Variants in FAM174B observed in about 807,000 individuals in gnomAD.
FAM174B encodes the protein family with sequence similarity 174 member B, also known as membrane protein FAM174B.
A neutral mutation model predicts 10.9 loss-of-function variants in FAM174B; 12 were observed. The observed-to-expected ratio is 1.10, with a 90% confidence interval of 0.71 to 1.79. The LOEUF (loss-of-function observed/expected upper bound fraction) is 1.79. FAM174B is among the 40% of genes most tolerant of loss of function. The probability of loss-of-function intolerance (pLI) is 0.00; values close to 1 mark genes in which losing one functional copy is unlikely to be tolerated. For synonymous variants in FAM174B, 132 were observed against 115.8 expected, an observed-to-expected ratio of 1.14 and a Z score of -0.90; for missense variants, 266 against 233.3, an observed-to-expected ratio of 1.14 and a Z score of -0.91.
At chr15:92,625,883 A>C (rs2050749261) in intron 2 of FAM174B, among the ~76,000 whole-genome samples, 1 of 152,212 alleles carries the variant, frequency 6.6e-6, no homozygotes. Flanking sequence ...CTAATGACTC[A>C]CTTCCAAGTT....
intron 1 of FAM174B, among the ~76,000 whole-genome samples, chr15:92,647,611 A>G (rs2141963843): frequency 6.6e-6 from 1 of 152,356 alleles, no homozygotes; most frequent in South Asian, 2.1e-4. Flanking sequence ...AATAGAGATC[A>G]TAAGACTGGC....
intron 1 of FAM174B, among the ~76,000 whole-genome samples, chr15:92,644,889 T>C (rs1385109668): frequency 1.3e-5 from 2 of 152,210 alleles, no homozygotes; most frequent in Non-Finnish European, 2.9e-5. Flanking sequence ...TCCCCACCTG[T>C]CAAAAGAAGG....
intron 1 of FAM174B, among the ~76,000 whole-genome samples, chr15:92,642,659 T>C (rs1012330655): frequency 3.9e-5 from 6 of 152,204 alleles, no homozygotes; most frequent in African/African-American, 1.4e-4. Flanking sequence ...TCTTCCGCCA[T>C]GATTATAAGT....
rs1437300989 is a variant in FAM174B, at chr15:92,631,338, A to G, written c.345-993T>C. On this transcript the variant is annotated intron_variant, in intron 1 of 2. Transcript: ENST00000327355. ...TATAATATTATATATAATATATTAT[A>G]TATTATATATAATATATTATATATT... Among the ~76,000 whole-genome samples, 20 of 22,646 alleles carry G rather than the reference A, an allele frequency of 8.8e-4. 5 individuals are homozygous for G. In the Admixed American group the frequency reaches 0.02, roughly 23 times the overall value. 14.9% of individuals were successfully genotyped at this position (22,646 alleles called of 152,430 possible).
Position 92,655,664 on chromosome 15 carries a change from C to T in FAM174B, c.-5G>A, listed in dbSNP as rs2051000522. The T allele has an allele frequency of 3.2e-6, 4 of 1,258,182 alleles. No individual in the cohort carries two copies. Among genetic ancestry groups the T allele is most frequent in the Non-Finnish European group, 4.0e-6 (4 of 1,006,686 alleles). 77.9% of individuals were successfully genotyped at this position (1,258,182 alleles called of 1,614,324 possible). A position where few individuals can be genotyped will look rare whatever the true frequency, so the allele number is the denominator to read the frequency against. On this transcript the variant is annotated 5_prime_UTR_variant, in exon 1 of 3. Transcript: ENST00000327355. ...GGGCAGCGGCACGGCGCGCATAGTG[C>T]GGTGGGTCGGCACAGGATCGGGCAG...
chr15:92,638,993 GCC>G (rs1567047610), intron 1 of FAM174B, among the ~76,000 whole-genome samples: 1 of 152,188 alleles, frequency 6.6e-6, no homozygotes, highest in African/African-American at 2.4e-5. Flanking sequence ...TCTCATCACA[GCC>G]TCCCGCCAGT....
chr15:92,642,754 T>A (rs916670624), intron 1 of FAM174B, among the ~76,000 whole-genome samples: 2 of 152,214 alleles, frequency 1.3e-5, no homozygotes, highest in Admixed American at 6.5e-5. Context: ...CTCAGGCAGT[T>A]CCTTATAGCA....
intron 1 of FAM174B, among the ~76,000 whole-genome samples, chr15:92,647,976 G>C (rs928048598): frequency 3.9e-5 from 6 of 152,082 alleles, no homozygotes; most frequent in African/African-American, 1.4e-4. Context: ...CTTAACTCAA[G>C]CATTCCTTTC....
intron 1 of FAM174B, among the ~76,000 whole-genome samples, chr15:92,653,705 T>C (rs1346302561): frequency 1.3e-5 from 2 of 152,154 alleles, no homozygotes; most frequent in East Asian, 1.9e-4. Context: ...AGGAAAACTA[T>C]ACAGAGGAAG....
At chr15:92,648,234 C>T (rs2050941501) in intron 1 of FAM174B, among the ~76,000 whole-genome samples, 1 of 152,146 alleles carries the variant, frequency 6.6e-6, no homozygotes, top group Non-Finnish European at 1.5e-5. Context: ...TGATATTGTT[C>T]CCCAGGTCAA....
At chr15:92,632,939 G>C (rs2050829119) in intron 1 of FAM174B, among the ~76,000 whole-genome samples, 1 of 152,168 alleles carries the variant, frequency 6.6e-6, no homozygotes, top group Non-Finnish European at 1.5e-5. Flanking sequence ...GCTGCGATAT[G>C]TATCAGAACA....
At position 92,618,976 on chromosome 15, in the gene FAM174B, C is replaced by T. The variant is rs561135386; in HGVS notation, c.*480G>A. ...AAATGAGGCCAGGACCTGACCAAGC[C>T]AAAAAAGCAGCAAAGGATCAGATGG... On this transcript the variant is annotated 3_prime_UTR_variant, in exon 3 of 3. Coordinates refer to ENST00000327355, the MANE Select transcript of FAM174B (RefSeq NM_207446.3). The T allele has an allele frequency of 3.9e-5, 23 of 585,518 alleles. No homozygotes were observed. The highest frequency in any genetic ancestry group is 6.2e-5 in the South Asian group (3 of 48,140). 36.3% of individuals were successfully genotyped at this position (585,518 alleles called of 1,614,324 possible).
chr15:92,638,494 C>T (rs2050870087), intron 1 of FAM174B, among the ~76,000 whole-genome samples: 2 of 152,162 alleles, frequency 1.3e-5, no homozygotes, highest in South Asian at 4.2e-4. Context: ...CTCGCCCTCA[C>T]CCACGAAGAG....
At chr15:92,653,386 A>C (rs911536399) in intron 1 of FAM174B, among the ~76,000 whole-genome samples, 1 of 150,170 alleles carries the variant, frequency 6.7e-6, no homozygotes, top group Admixed American at 6.6e-5. Context: ...AATACCTTCT[A>C]AAAAAAATAC....
At chr15:92,627,106 A>G (rs1410878493) in intron 2 of FAM174B, 2 of 152,198 alleles carry the variant, frequency 1.3e-5, no homozygotes, top group African/African-American at 2.4e-5. Context: ...GCCCCGCACT[A>G]TCGCTGTGTC....
At chr15:92,647,643 A>G (rs951018335) in intron 1 of FAM174B, among the ~76,000 whole-genome samples, 1 of 152,226 alleles carries the variant, frequency 6.6e-6, no homozygotes, top group Non-Finnish European at 1.5e-5. Flanking sequence ...CTTTGTGGCA[A>G]TAAGATACCA....
rs1053239070 is a variant in FAM174B at position 92,644,825 on chromosome 15, G to A, written c.344+10491C>T. ...CCTGCCCAGCCTAGGTGGAGTGGCA[G>A]CCACCAAGCTCCTGCCCGGCTGCCC... On this transcript the variant is annotated intron_variant, in intron 1 of 2. Transcript: ENST00000327355. 2.0e-5 allele frequency among the ~76,000 whole-genome samples: 3 copies of A among 152,248 alleles called. 1 individual carries two copies. Among genetic ancestry groups the A allele is most frequent in the Admixed American group, 2.0e-4 (3 of 15,286 alleles).
At chr15:92,623,218 T>A (rs1156933893) in intron 2 of FAM174B, among the ~76,000 whole-genome samples, 1 of 150,960 alleles carries the variant, frequency 6.6e-6, no homozygotes, top group East Asian at 1.9e-4. Context: ...CACAGGCCCC[T>A]CGAGGGCAGG....
rs1011616419 is a variant in FAM174B, at chr15:92,631,931, T to C, written c.345-1586A>G. ...GCCCTATAGGCCAGCCACGGGAGAG[T>C]TGGGTCAGAAACAGGCTGCTCTGTG... On this transcript the variant is annotated intron_variant, in intron 1 of 2. Coordinates refer to ENST00000327355, the MANE Select transcript of FAM174B (RefSeq NM_207446.3). 2.6e-5 allele frequency among the ~76,000 whole-genome samples: 4 copies of C among 151,658 alleles called. No homozygotes were observed. The East Asian group carries it at 7.8e-4, about 29-fold the overall frequency.
Sources: allele counts gnomAD v4.1 joint callset (sites outside exome capture counted in the v4.1 genomes callset), GRCh38; gene constraint gnomAD v4.1.1; transcripts MANE v1.5; gene names NCBI Gene and HGNC (gene_info 2026-07-23, HGNC 2026-07-21).